CFAP299: variants seen among roughly 807,000 people sequenced by gnomAD.
CFAP299 encodes cilia- and flagella-associated protein 299.
Under a neutral mutation model 27.0 loss-of-function variants are expected in CFAP299, and 21 were observed. The ratio of observed to expected loss-of-function variants is 0.78; its 90% CI spans 0.55 to 1.12. The LOEUF (loss-of-function observed/expected upper bound fraction) is 1.12, where lower values mean the gene tolerates loss of function less well. Ranked by LOEUF, CFAP299 falls within the 50% of genes most tolerant of loss-of-function variation. The pLI is 0.00. For synonymous variants in CFAP299, 104 were observed against 98.1 expected (o/e 1.06, Z -0.36); for missense variants, 310 against 276.6 (o/e 1.12, Z -0.86).
At chr4:80,933,616 A>T (rs984313779) in intron 4 of CFAP299, among the ~76,000 whole-genome samples, 2 of 151,900 alleles carry the variant, frequency 1.3e-5, no homozygotes, top group African/African-American at 4.8e-5. Context: ...TCATTTCATC[A>T]TTGTTTTCTA....
chr4:80,453,307 G>A (rs1021392113), intron 2 of CFAP299, among the ~76,000 whole-genome samples: 4 of 151,916 alleles, frequency 2.6e-5, no homozygotes, highest in South Asian at 2.1e-4. Context: ...AAGCAACAGA[G>A]TTTTCTCTGA....
intron 4 of CFAP299, among the ~76,000 whole-genome samples, chr4:80,896,193 T>A (rs1200969528): frequency 6.6e-6 from 1 of 151,990 alleles, no homozygotes. Flanking sequence ...TATTAGGTAT[T>A]TATACTGTTT....
chr4:80,824,431 C>G (rs1729873720), intron 3 of CFAP299, among the ~76,000 whole-genome samples: 1 of 152,118 alleles, frequency 6.6e-6, no homozygotes, highest in Admixed American at 6.6e-5. Context: ...CACAGAAGTA[C>G]AGACACATAG....
intron 2 of CFAP299, chr4:80,386,713 G>C: frequency 1.3e-6 from 2 of 1,567,562 alleles, no homozygotes; most frequent in Non-Finnish European, 1.7e-6. Flanking sequence ...GGGCGCATTT[G>C]TGGAGCTTCA....
intron 5 of CFAP299, among the ~76,000 whole-genome samples, chr4:80,951,357 T>C (rs1737767133): frequency 6.6e-6 from 1 of 152,212 alleles, no homozygotes. Flanking sequence ...ATGTAGACTG[T>C]GCATGGACTT....
chr4:80,775,252 A>G (rs1726466174), intron 3 of CFAP299, among the ~76,000 whole-genome samples: 1 of 151,890 alleles, frequency 6.6e-6, no homozygotes, highest in Non-Finnish European at 1.5e-5. Context: ...ATATATTTGT[A>G]AGGTATGAAA....
chr4:80,448,383 T>A (rs1728744405), intron 2 of CFAP299, among the ~76,000 whole-genome samples: 1 of 152,200 alleles, frequency 6.6e-6, no homozygotes, highest in Non-Finnish European at 1.5e-5. Flanking sequence ...GTTTGAGAAG[T>A]TTTCTGAAGG....
At chr4:80,816,554 A>T (rs1729432048) in intron 3 of CFAP299, among the ~76,000 whole-genome samples, 1 of 151,720 alleles carries the variant, frequency 6.6e-6, no homozygotes. Context: ...TATATTTCTC[A>T]GTGAAAATAA....
intron 3 of CFAP299, among the ~76,000 whole-genome samples, chr4:80,650,482 A>G (rs1372142737): frequency 6.6e-6 from 1 of 152,076 alleles, no homozygotes; most frequent in African/African-American, 2.4e-5. Flanking sequence ...GACTTACACA[A>G]ATGTTATCCT....
At chr4:80,874,849 A>G (rs1578204263) in intron 4 of CFAP299, among the ~76,000 whole-genome samples, 1 of 152,190 alleles carries the variant, frequency 6.6e-6, no homozygotes, top group African/African-American at 2.4e-5. Context: ...TACTTGATGT[A>G]TGGTTAACCT....
At chr4:80,630,400 T>C (rs564018316) in intron 3 of CFAP299, among the ~76,000 whole-genome samples, 113 of 152,248 alleles carry the variant, frequency 7.4e-4, no homozygotes, top group African/African-American at 2.5e-3. Context: ...AAAACGAAAA[T>C]TCACATCATG....
chr4:80,880,315 G>A (rs1733628902), intron 4 of CFAP299, among the ~76,000 whole-genome samples: 1 of 151,934 alleles, frequency 6.6e-6, no homozygotes, highest in Admixed American at 6.6e-5. Context: ...GAGAAGGTGG[G>A]GGAATGTCAG....
chr4:80,886,250 T>C (rs6820664), intron 4 of CFAP299, among the ~76,000 whole-genome samples: 51,193 of 152,112 alleles, frequency 0.34, 13,279 homozygotes, highest in African/African-American at 0.72. Context: ...CAGACAGCAT[T>C]TCTGAATGTG....
intron 3 of CFAP299, among the ~76,000 whole-genome samples, chr4:80,694,166 GT>G (rs1366581430): frequency 6.6e-6 from 1 of 152,040 alleles, no homozygotes; most frequent in Non-Finnish European, 1.5e-5. Flanking sequence ...AATCTTCTTT[GT>G]TTGATCACCG....
chr4:80,851,166 G>T (rs4693114), intron 3 of CFAP299, among the ~76,000 whole-genome samples: 1 of 152,088 alleles, frequency 6.6e-6, no homozygotes, highest in Admixed American at 6.5e-5. Flanking sequence ...TGTATAAGTG[G>T]TAGTTGAAGT....
rs529588532 is a variant in CFAP299, at chr4:80,858,568, A to G, written c.334-11425A>G. On this transcript the variant is annotated intron_variant, in intron 3 of 5. Transcript: ENST00000358105. Reference sequence around the variant, plus strand: ...TGTAGTGCTATAAATTTCCCTCTACACACTGCTTTGAATGCGTCCCAGGGA... The same window carrying G: ...TGTAGTGCTATAAATTTCCCTCTACGCACTGCTTTGAATGCGTCCCAGGGA... Among the ~76,000 whole-genome samples the G allele has an allele frequency of 3.3e-5, 5 of 151,718 alleles. No homozygotes were observed. In the South Asian group the frequency reaches 1.1e-3, roughly 32 times the overall value.
intron 3 of CFAP299, among the ~76,000 whole-genome samples, chr4:80,689,539 G>A (rs1449467535): frequency 6.6e-6 from 1 of 152,316 alleles, no homozygotes; most frequent in East Asian, 1.9e-4. Flanking sequence ...GCTCCTGAAG[G>A]AAGTGCTAAA....
At chr4:80,327,750 T>TATAACTTCAATACATATATA in the CFAP299 span, among the ~76,000 whole-genome samples, 5 of 144,602 alleles carry the variant, frequency 3.5e-5, no homozygotes, top group African/African-American at 5.1e-5. Context: ...TATATATATG[T>TATAACTTCAATACATATATA]TGAGAAAGCT....
intron 4 of CFAP299, among the ~76,000 whole-genome samples, chr4:80,941,717 T>C (rs1442191526): frequency 2.0e-5 from 3 of 152,056 alleles, no homozygotes; most frequent in Admixed American, 6.6e-5. Flanking sequence ...TTCTGCAAAC[T>C]GTACAGGAAG....
Sources: gnomAD v4.1 joint callset for allele counts (sites outside exome capture counted in the v4.1 genomes callset) on GRCh38, gnomAD v4.1.1 for gene constraint, MANE v1.5 for transcripts, NCBI Gene and HGNC (gene_info 2026-07-23, HGNC 2026-07-21) for gene names.